The following STARD4 variants were observed in gnomAD, a reference collection of about 807,000 sequenced individuals.
STARD4 encodes the protein stAR-related lipid transfer protein 4.
Under a neutral mutation model 24.9 loss-of-function variants are expected in STARD4, and 33 were observed. The observed-to-expected ratio is 1.32, with a 90% CI of 1.00 to 1.77. The LOEUF (loss-of-function observed/expected upper bound fraction) is 1.77. Among genes scored for constraint, STARD4 ranks in the 40% most tolerant of loss-of-function variants. The probability of loss-of-function intolerance (pLI) is 0.00; values close to 1 mark genes in which losing one functional copy is unlikely to be tolerated. For missense variants in STARD4, 238 were observed against 249.3 expected (o/e 0.95, Z 0.31); for synonymous variants, 88 against 77.4 (o/e 1.14, Z -0.72).
At chr5:111,500,168 T>A in intron 5 of STARD4, 62 bp from the exon 6 acceptor site, 5 of 1,448,912 alleles carry the variant, frequency 3.5e-6, no homozygotes, top group Non-Finnish European at 4.6e-6. Context: ...ACTCTCATTT[T>A]AAAATATTAC....
chr5:111,512,344 G>A (rs1398516316), intron 1 of STARD4, 41 bp downstream of exon 1: 2 of 152,492 alleles, frequency 1.3e-5, no homozygotes, highest in South Asian at 4.1e-4. Flanking sequence ...CCCTCCACAC[G>A]GGCCACCCCA....
At position 111,506,380 on chromosome 5, in the gene STARD4, C is replaced by T; in HGVS notation, c.106-1G>A. 1 of 1,451,944 alleles carries T rather than the reference C, an allele frequency of 6.9e-7. No individual in the cohort carries two copies. Among genetic ancestry groups the T allele is most frequent in the Non-Finnish European group, 9.5e-7 (1 of 1,051,840 alleles). The allele number at this position is 1,451,944 out of a possible 1,614,324, so 89.9% of individuals were successfully genotyped here. On this transcript the variant is annotated splice_acceptor_variant, in intron 2 of 5. Coordinates refer to ENST00000296632, the MANE Select transcript of STARD4 (RefSeq NM_139164.3). LOFTEE classifies it high-confidence loss of function. ...GTTTTCTCCAAACAGTTACATCTTT[C>T]TAGAAAAATAAAAACATTATATGGT...
intron 4 of STARD4, 125 bp downstream of exon 4, chr5:111,501,837 T>A (rs1003735025): frequency 7.5e-7 from 1 of 1,324,902 alleles, no homozygotes; most frequent in African/African-American, 1.5e-5. Context: ...ATCTTTGTCG[T>A]GACTGCTATT....
intron 5 of STARD4, 55 bp from the exon 6 acceptor site, chr5:111,500,161 C>G: frequency 1.4e-6 from 2 of 1,464,998 alleles, no homozygotes; most frequent in African/African-American, 2.9e-5. Flanking sequence ...ACATAAAACT[C>G]TCATTTTAAA....
chr5:111,510,988 C>A (rs1757223319), intron 1 of STARD4, among the ~76,000 whole-genome samples: 1 of 152,206 alleles, frequency 6.6e-6, no homozygotes, highest in South Asian at 2.1e-4. Context: ...ATATGGTTTT[C>A]ACTTCCGTCA....
In STARD4 at chr5:111,496,843, C is replaced by T. The variant is rs1399010416; in HGVS notation, c.*3043G>A. 1 of 151,888 alleles carries T rather than the reference C, an allele frequency of 6.6e-6. No individual in the cohort carries two copies. Among genetic ancestry groups the T allele is most frequent in the African/African-American group, 2.4e-5 (1 of 41,356 alleles). 9.4% of individuals were successfully genotyped at this position (151,888 alleles called of 1,614,324 possible). ...CAAATATATCCAACCTGAATGAACA[C>T]TGAAATAAAAAGATTTTTAAGATTT... On this transcript the variant is annotated 3_prime_UTR_variant, in exon 6 of 6. Coordinates refer to ENST00000296632, the MANE Select transcript of STARD4 (RefSeq NM_139164.3).
In STARD4 at chr5:111,501,096, G is replaced by T; in HGVS notation, c.303C>A (p.Tyr101Ter). The T allele has an allele frequency of 6.2e-7, 1 of 1,605,564 alleles. No homozygotes were observed. The highest frequency in any genetic ancestry group is 8.5e-7 in the Non-Finnish European group (1 of 1,177,876). Residue 101 changes from tyrosine to a stop codon, truncating the protein, a stop_gained, in exon 5 of 6, where the codon TAC becomes TAA. Coordinates refer to ENST00000296632, the MANE Select transcript of STARD4 (RefSeq NM_139164.3). LOFTEE classifies it high-confidence loss of function. ...NFEENCCVMR[Y>*]TTAGQLWNII... ...TATTCCAAAGCTGACCAGCAGTAGT[G>T]TAACGCATCACACAGCAATTCTGAA...
At chr5:111,502,725 G>A (rs1449452876) in intron 3 of STARD4, among the ~76,000 whole-genome samples, 1 of 151,778 alleles carries the variant, frequency 6.6e-6, no homozygotes, top group African/African-American at 2.4e-5. Context: ...CCTGGGAGGC[G>A]GAGGTTGAGG....
chr5:111,512,128 C>G (rs1046820834), intron 1 of STARD4: 1 of 152,296 alleles, frequency 6.6e-6, no homozygotes, highest in Non-Finnish European at 1.5e-5. Context: ...GTGAGCGGCG[C>G]GCAGGGGCGA....
At chr5:111,512,064 C>G (rs1206814831) in intron 1 of STARD4, among the ~76,000 whole-genome samples, 2 of 152,336 alleles carry the variant, frequency 1.3e-5, no homozygotes, top group East Asian at 1.9e-4. Context: ...CCGCCCCTCT[C>G]CCATTTAACA....
chr5:111,506,695 C>T (rs1756887680), intron 2 of STARD4, among the ~76,000 whole-genome samples: 1 of 152,194 alleles, frequency 6.6e-6, no homozygotes, highest in African/African-American at 2.4e-5. Context: ...ATTACTGATG[C>T]ATTCAGACTC....
intron 4 of STARD4, 129 bp from the exon 5 acceptor site, chr5:111,501,245 A>G (rs1210844250): frequency 1.0e-6 from 1 of 1,000,570 alleles, no homozygotes; most frequent in Non-Finnish European, 1.4e-6. Flanking sequence ...TAATTCTTAC[A>G]CTGATTCTGA....
At chr5:111,508,055 A>G (rs1408492357) in intron 1 of STARD4, among the ~76,000 whole-genome samples, 2 of 152,140 alleles carry the variant, frequency 1.3e-5, no homozygotes, top group Admixed American at 6.5e-5. Flanking sequence ...CAAACAGGCT[A>G]GCTTATCGCT....
intron 5 of STARD4, chr5:111,500,723 C>T (rs1756374783): frequency 1.4e-6 from 2 of 1,387,496 alleles, no homozygotes; most frequent in Non-Finnish European, 1.9e-6. Context: ...GAAGAAAATC[C>T]ATTTACTAGA....
intron 1 of STARD4, among the ~76,000 whole-genome samples, chr5:111,509,110 G>C (rs1321017230): frequency 2.8e-4 from 42 of 152,022 alleles, no homozygotes; most frequent in Admixed American, 2.6e-3. Context: ...CTGTCAACTT[G>C]ATAGCCAGTT....
Position 111,502,511 on chromosome 5 carries a change from G to A in STARD4, c.156-423C>T, listed in dbSNP as rs547791742. 9.9e-5 allele frequency among the ~76,000 whole-genome samples: 15 copies of A among 150,824 alleles called. No homozygotes were observed. The East Asian group carries it at 2.9e-3, about 30-fold the overall frequency. ...AAAAGAATAAAAATTAGTGAAGGGTGGGCCAGGCATGGTGGCTCATGCCTG... is the reference window on the plus strand; with the variant it reads ...AAAAGAATAAAAATTAGTGAAGGGTAGGCCAGGCATGGTGGCTCATGCCTG... On this transcript the variant is annotated intron_variant, in intron 3 of 5. Transcript: ENST00000296632.
intron 3 of STARD4, among the ~76,000 whole-genome samples, chr5:111,505,707 A>G (rs181077663): frequency 6.6e-6 from 1 of 152,164 alleles, no homozygotes; most frequent in Non-Finnish European, 1.5e-5. Flanking sequence ...TCTTCAAGAT[A>G]AGTTCCTAAG....
intron 4 of STARD4, among the ~76,000 whole-genome samples, chr5:111,501,686 A>G (rs750193785): frequency 6.6e-6 from 1 of 152,200 alleles, no homozygotes; most frequent in Non-Finnish European, 1.5e-5. Flanking sequence ...TCTTAACTAA[A>G]GTTTTACAAT....
Position 111,500,743 on chromosome 5 carries a change from T to TA in STARD4, c.397+258dup. Reference sequence around the variant, plus strand: ...AAATCCATTTACTAGAACCCTTTCTTAGAGGCAGTCATGTGATCCACATTT... The same window carrying TA: ...AAATCCATTTACTAGAACCCTTTCTTAAGAGGCAGTCATGTGATCCACATTT... On this transcript the variant is annotated intron_variant, in intron 5 of 5. Transcript: ENST00000296632. 5 of 1,416,116 alleles carry TA rather than the reference T, an allele frequency of 3.5e-6. No homozygotes were observed. In the South Asian group the frequency reaches 8.2e-5, roughly 23 times the overall value. 87.7% of individuals were successfully genotyped at this position (1,416,116 alleles called of 1,614,324 possible).
Sources: allele counts gnomAD v4.1 joint callset (sites outside exome capture counted in the v4.1 genomes callset), GRCh38; gene constraint gnomAD v4.1.1; transcripts MANE v1.5; gene names NCBI Gene and HGNC (gene_info 2026-07-23, HGNC 2026-07-21).